The following TANGO6 variants were observed in gnomAD, a reference collection of about 807,000 sequenced individuals.
TANGO6 encodes transport and golgi organization 6 homolog.
A neutral mutation model predicts 114.2 loss-of-function variants in TANGO6; 90 were observed. The ratio of observed to expected loss-of-function variants is 0.79; its 90% CI spans 0.66 to 0.94. The LOEUF (loss-of-function observed/expected upper bound fraction) is 0.94. TANGO6 is among the 40% of genes least tolerant of loss of function. TANGO6 has a pLI of 0.00. For missense variants in TANGO6, 1,274 were observed against 1,315.3 expected (o/e 0.97, Z 0.49); for synonymous variants, 477 against 509.8 (o/e 0.94, Z 0.87).
chr16:68,870,345 G>C (rs1596997263), intron 4 of TANGO6, among the ~76,000 whole-genome samples: 1 of 152,206 alleles, frequency 6.6e-6, no homozygotes, highest in East Asian at 1.9e-4. Context: ...CAAAAGTGAG[G>C]TCAGTGTGGT....
chr16:69,045,525 C>T (rs560399429), intron 17 of TANGO6, among the ~76,000 whole-genome samples: 29 of 150,486 alleles, frequency 1.9e-4, no homozygotes, highest in Non-Finnish European at 2.5e-4. Flanking sequence ...GGGCGGATCA[C>T]GAGTTCAGGA....
chr16:68,961,766 A>G (rs1963594022), intron 14 of TANGO6, among the ~76,000 whole-genome samples: 1 of 152,184 alleles, frequency 6.6e-6, no homozygotes, highest in African/African-American at 2.4e-5. Flanking sequence ...GGTTCTTACA[A>G]ATTTTCAAGA....
intron 15 of TANGO6, among the ~76,000 whole-genome samples, chr16:69,006,535 G>A (rs1016389148): frequency 6.6e-6 from 1 of 151,950 alleles, no homozygotes; most frequent in Non-Finnish European, 1.5e-5. Flanking sequence ...CCTGAGGTCA[G>A]GAGTTTGAGA....
At chr16:68,901,390 ATC>A (rs1310944688) in intron 8 of TANGO6, among the ~76,000 whole-genome samples, 2 of 152,244 alleles carry the variant, frequency 1.3e-5, no homozygotes, top group Non-Finnish European at 2.9e-5. Flanking sequence ...ACATCCTTGT[ATC>A]CCACAGCTGC....
At chr16:68,959,299 A>C (rs1030484352) in intron 14 of TANGO6, among the ~76,000 whole-genome samples, 2 of 152,166 alleles carry the variant, frequency 1.3e-5, no homozygotes, top group African/African-American at 4.8e-5. Context: ...TTAAATAAGG[A>C]AAAAATGGGC....
At chr16:69,048,258 ATTTTTTT>A (rs71383949) in intron 17 of TANGO6, among the ~76,000 whole-genome samples, 39 of 111,636 alleles carry the variant, frequency 3.5e-4, no homozygotes, top group Middle Eastern at 5.1e-3. Flanking sequence ...AATTTTTTGT[ATTTTTTT>A]TTTTTTTTTT....
intron 4 of TANGO6, among the ~76,000 whole-genome samples, chr16:68,873,800 G>C (rs1053598604): frequency 1.3e-5 from 2 of 152,178 alleles, no homozygotes; most frequent in Non-Finnish European, 2.9e-5. Flanking sequence ...CTGGAATGCA[G>C]TTAAGTTACT....
At chr16:68,845,982 A>G (rs1182937051) in intron 1 of TANGO6, among the ~76,000 whole-genome samples, 1 of 151,730 alleles carries the variant, frequency 6.6e-6, no homozygotes, top group Non-Finnish European at 1.5e-5. Flanking sequence ...CCTCCCTTGT[A>G]GCTGGGACTA....
rs776735950 is a variant in TANGO6, at chr16:68,902,497, G to A, written c.1660G>A (p.Ala554Thr). The change falls in exon 9 of 18, where the codon GCC becomes ACC. Residue 554 changes from alanine (A) to threonine (T), a missense_variant. This residue lies in a region of TANGO6 where 908 missense variants were observed against 910.2 expected (regional missense o/e 1.00). Transcript: ENST00000261778. Reference protein sequence around the residue: ...QGGIMITIKEAISDEDEDEAL... With the variant: ...QGGIMITIKETISDEDEDEAL... ...TGGCATTATGATTACCATCAAAGAG[G>A]CCATTAGGTGAGTCCACCCATCCGT... is the stretch of plus-strand genomic sequence containing the variant. 2 of 1,608,604 alleles carry A rather than the reference G, an allele frequency of 1.2e-6. No homozygotes were observed. Among genetic ancestry groups the A allele is most frequent in the Non-Finnish European group, 8.5e-7 (1 of 1,177,872 alleles).
At chr16:68,999,047 T>C (rs1216715965) in intron 15 of TANGO6, among the ~76,000 whole-genome samples, 1 of 151,910 alleles carries the variant, frequency 6.6e-6, no homozygotes, top group African/African-American at 2.4e-5. Flanking sequence ...CACACCTGGC[T>C]AATTTTTGTA....
chr16:68,901,043 TTAAG>T (rs1358656384), intron 8 of TANGO6, among the ~76,000 whole-genome samples: 9 of 152,198 alleles, frequency 5.9e-5, no homozygotes, highest in African/African-American at 2.2e-4. Flanking sequence ...GTCGTAGAAT[TTAAG>T]TAGGATTCAT....
chr16:68,897,619 C>T (rs2018400237), intron 7 of TANGO6, among the ~76,000 whole-genome samples: 1 of 149,304 alleles, frequency 6.7e-6, no homozygotes, highest in South Asian at 2.1e-4. Flanking sequence ...ACTCTTGTTG[C>T]CCAGGTTGGA....
chr16:69,032,612 C>G (rs1287784008), intron 16 of TANGO6, among the ~76,000 whole-genome samples: 1 of 152,126 alleles, frequency 6.6e-6, no homozygotes, highest in Non-Finnish European at 1.5e-5. Context: ...GGCATGGTGG[C>G]TCACACCTGT....
chr16:68,951,291 C>A (rs1314823769), intron 14 of TANGO6, among the ~76,000 whole-genome samples: 2 of 150,808 alleles, frequency 1.3e-5, no homozygotes, highest in African/African-American at 4.9e-5. Context: ...CAACTGCACT[C>A]CAGCCTGGGT....
chr16:68,913,686 G>C lies in TANGO6; in HGVS notation c.1992+4284G>C, dbSNP rs78124134. 6.4e-3 allele frequency among the ~76,000 whole-genome samples: 977 copies of C among 151,844 alleles called. 44 individuals are homozygous for C. In the East Asian group the frequency reaches 0.11, roughly 16 times the overall value. ...GGCCTCCCAAAGTGCTGGGATTAGA[G>C]ACGTAAGCCACTGTGCCCAGCCTAA... On this transcript the variant is annotated intron_variant, in intron 11 of 17. Coordinates refer to ENST00000261778, the MANE Select transcript of TANGO6 (RefSeq NM_024562.2).
chr16:68,943,616 T>C (rs1331295178), intron 14 of TANGO6, among the ~76,000 whole-genome samples: 4 of 151,660 alleles, frequency 2.6e-5, no homozygotes, highest in African/African-American at 4.8e-5. Flanking sequence ...CTGCCCTCCT[T>C]GGCCTCCCAA....
intron 4 of TANGO6, among the ~76,000 whole-genome samples, chr16:68,873,906 A>G (rs1325805895): frequency 4.6e-5 from 7 of 152,256 alleles, no homozygotes; most frequent in Admixed American, 6.5e-5. Context: ...TTTGTATTAT[A>G]CTAAGTGTGT....
intron 12 of TANGO6, among the ~76,000 whole-genome samples, chr16:68,923,203 C>A (rs1963121248): frequency 6.6e-6 from 1 of 151,536 alleles, no homozygotes; most frequent in Admixed American, 6.6e-5. Context: ...GGTGATCTGC[C>A]CGCTTCCGCC....
At chr16:68,843,920 T>G (rs776714226) in intron 1 of TANGO6, among the ~76,000 whole-genome samples, 14 of 152,212 alleles carry the variant, frequency 9.2e-5, no homozygotes, top group Admixed American at 6.5e-5. Context: ...ATCCGTTGAC[T>G]GCTGATATTA....
Sources: allele counts gnomAD v4.1 joint callset (sites outside exome capture counted in the v4.1 genomes callset), GRCh38; gene constraint gnomAD v4.1.1; regional missense constraint gnomAD v4.1.1; transcripts MANE v1.5; gene names NCBI Gene and HGNC (gene_info 2026-07-23, HGNC 2026-07-21).